The following MBP variants were observed in gnomAD, a reference collection of about 807,000 sequenced individuals.
MBP encodes the protein myelin basic protein, also known as Golli-MBP.
Under a neutral mutation model 35.8 loss-of-function variants are expected in MBP, and 16 were observed. The observed-to-expected ratio is 0.45, with a 90% CI of 0.30 to 0.68. The LOEUF is 0.68. Among genes scored for constraint, MBP ranks in the 30% least tolerant of loss-of-function variants. MBP has a pLI of 0.08. For missense variants in MBP, 380 were observed against 404.7 expected, an observed-to-expected ratio of 0.94 and a Z score of 0.52; for synonymous variants, 143 against 159.6, an observed-to-expected ratio of 0.90 and a Z score of 0.78.
chr18:77,015,243 C>T (rs1049776014), intron 4 of MBP: 2 of 983,792 alleles, frequency 2.0e-6, no homozygotes, highest in Non-Finnish European at 2.4e-6. Context: ...GTGATTTCAT[C>T]TTTTCTGCAC....
rs938664690 is a variant in MBP, at chr18:76,989,096, A to G, written c.682-184T>C. The stretch of plus-strand genomic sequence containing the variant: ...ATAGACCTGAGATTGAAAATATTCT[A>G]GATGATGCAGATCTCCCAGAGCACT... On this transcript the variant is annotated intron_variant, in intron 5 of 8. Coordinates refer to ENST00000355994, the MANE Select transcript of MBP (RefSeq NM_001025101.2). The surrounding 1 kb of genome is among the most constrained non-coding windows in gnomAD (Gnocchi z 4.0). 6 of 712,756 alleles carry G rather than the reference A, an allele frequency of 8.4e-6. No homozygotes were observed. Among genetic ancestry groups the G allele is most frequent in the Admixed American group, 7.9e-5 (4 of 50,434 alleles). The allele number at this position is 712,756 out of a possible 1,614,324, so 44.2% of individuals were successfully genotyped here.
Position 77,066,355 on chromosome 18 carries a change from T to A in MBP, c.82A>T (p.Lys28Ter). The change falls in exon 3 of 9, where the codon AAA becomes TAA. Residue 28 changes from lysine (K) to a stop codon, truncating the protein, a stop_gained. Coordinates refer to ENST00000355994, the MANE Select transcript of MBP (RefSeq NM_001025101.2). LOFTEE classifies it high-confidence loss of function. ...GAAAGTTCACCCAGGTTTCTCTTTTTTTCAGATTCTCCTCTGTTAGTTTCA... is the reference window on the plus strand; with the variant it reads ...GAAAGTTCACCCAGGTTTCTCTTTTATTCAGATTCTCCTCTGTTAGTTTCA... ...NSETNRGESEKKRNLGELSRT... is the reference protein window; with the variant it reads ...NSETNRGESE The A allele has an allele frequency of 6.2e-7, 1 of 1,613,790 alleles. No homozygotes were observed. The highest frequency in any genetic ancestry group is 8.5e-7 in the Non-Finnish European group (1 of 1,179,646).
In MBP at chr18:76,996,311, A is replaced by G. The variant is rs372893314; in HGVS notation, c.577-6251T>C. Among the ~76,000 whole-genome samples the G allele has an allele frequency of 1.1e-3, 173 of 152,348 alleles. 5 individuals carry two copies. The South Asian group carries it at 0.035, about 30-fold the overall frequency. On this transcript the variant is annotated intron_variant, in intron 4 of 8. Transcript: ENST00000355994. ...CTTTAAATACTAAAGGATAAATTAC[A>G]TGCTTTTGGAAATGGCTTCTATAAT...
chr18:77,090,251 C>T lies in MBP; in HGVS notation c.51+14960G>A, dbSNP rs190758932. 2.6e-5 allele frequency among the ~76,000 whole-genome samples: 4 copies of T among 152,356 alleles called. No individual in the cohort carries two copies. In the East Asian group the frequency reaches 7.7e-4, roughly 29 times the overall value. On this transcript the variant is annotated intron_variant, in intron 2 of 8. Transcript: ENST00000355994. ...CCTCCTTTTCAAAACAAAGTCGCAA[C>T]TCTAGCAAGCATGAAATTAAACGTT...
At chr18:77,049,218 C>T (rs1197778233) in intron 3 of MBP, among the ~76,000 whole-genome samples, 2 of 152,200 alleles carry the variant, frequency 1.3e-5, no homozygotes, top group African/African-American at 4.8e-5. Context: ...CGCACCCGGC[C>T]GAGGGCAGGG....
chr18:77,031,388 CA>C (rs1425359791), intron 3 of MBP, among the ~76,000 whole-genome samples: 1 of 152,224 alleles, frequency 6.6e-6, no homozygotes, highest in East Asian at 1.9e-4. Flanking sequence ...AGCCTCTGCT[CA>C]GAGCCTCCAC....
chr18:77,133,067 C>T (rs980011603), upstream of MBP, among the ~76,000 whole-genome samples: 1 of 152,024 alleles, frequency 6.6e-6, no homozygotes, highest in East Asian at 1.9e-4. Flanking sequence ...CGACCCTTCC[C>T]GTTCGGAGGC....
intron 4 of MBP, among the ~76,000 whole-genome samples, chr18:77,001,622 G>A (rs1239667166): frequency 5.9e-5 from 9 of 152,148 alleles, no homozygotes; most frequent in Admixed American, 5.2e-4. Flanking sequence ...AGGCCAAGGC[G>A]GGTGGATCAC....
chr18:77,132,053 C>A (rs1041163226), intron 1 of MBP, among the ~76,000 whole-genome samples: 4 of 152,132 alleles, frequency 2.6e-5, no homozygotes, highest in East Asian at 1.9e-4. Flanking sequence ...TAGCAGGCGC[C>A]GCGAGCCGGG....
intron 4 of MBP, chr18:77,015,751 G>C (rs147406960): frequency 8.1e-6 from 8 of 985,386 alleles, no homozygotes; most frequent in Non-Finnish European, 9.6e-6. Context: ...TGCAGTTGGA[G>C]ACTAAAGCAA....
At chr18:77,116,815 C>A (rs745707254) in intron 1 of MBP, among the ~76,000 whole-genome samples, 1 of 151,828 alleles carries the variant, frequency 6.6e-6, no homozygotes, top group Non-Finnish European at 1.5e-5. Context: ...GGCACTGAGT[C>A]GAGATTGGGC....
chr18:77,086,040 G>T (rs1975220383), intron 2 of MBP, among the ~76,000 whole-genome samples: 2 of 152,162 alleles, frequency 1.3e-5, no homozygotes, highest in African/African-American at 4.8e-5. Context: ...GAGAGAGAGA[G>T]ACTGATTCTA....
intron 2 of MBP, among the ~76,000 whole-genome samples, chr18:77,079,215 A>G (rs973025116): frequency 3.9e-5 from 6 of 152,196 alleles, no homozygotes; most frequent in African/African-American, 7.2e-5. Context: ...AGAAGAGGAC[A>G]TCACCCAAGA....
chr18:77,045,724 C>G (rs1043387036), intron 3 of MBP, among the ~76,000 whole-genome samples: 2 of 152,186 alleles, frequency 1.3e-5, no homozygotes, highest in African/African-American at 4.8e-5. Flanking sequence ...TGAAAAATTA[C>G]TATTGTGAAT....
chr18:77,111,823 A>G (rs1976462203), intron 1 of MBP, among the ~76,000 whole-genome samples: 1 of 152,172 alleles, frequency 6.6e-6, no homozygotes. Context: ...AGGCCCTATA[A>G]CTCTGCTTCT....
chr18:77,086,000 G>C (rs1326842497), intron 2 of MBP, among the ~76,000 whole-genome samples: 1 of 148,066 alleles, frequency 6.8e-6, no homozygotes, highest in Non-Finnish European at 1.5e-5. Context: ...AATAAGGAGA[G>C]AGAGAGTGAC....
At chr18:77,004,199 CAATACTAGTTA>C (rs1244381217) in intron 4 of MBP, 1 of 151,990 alleles carries the variant, frequency 6.6e-6, no homozygotes, top group East Asian at 1.9e-4. Flanking sequence ...GTTCTCTTTT[CAATACTAGTTA>C]AATACTAGTT....
chr18:77,032,185 GA>G (rs1972565753), intron 3 of MBP, among the ~76,000 whole-genome samples: 1 of 152,226 alleles, frequency 6.6e-6, no homozygotes, highest in Non-Finnish European at 1.5e-5. Flanking sequence ...CAGGGCCAAA[GA>G]GGACGCTCCT....
At chr18:77,007,380 CT>C (rs1010270921) in intron 4 of MBP, among the ~76,000 whole-genome samples, 3 of 152,208 alleles carry the variant, frequency 2.0e-5, no homozygotes, top group African/African-American at 7.2e-5. Context: ...AGGGGCACCC[CT>C]GGGGGCTCTC....
Sources: allele counts gnomAD v4.1 joint callset (sites outside exome capture counted in the v4.1 genomes callset), GRCh38; gene constraint gnomAD v4.1.1; non-coding constraint Gnocchi (gnomAD v3.1); transcripts MANE v1.5; gene names NCBI Gene and HGNC (gene_info 2026-07-23, HGNC 2026-07-21).